RFX2: variants seen among roughly 807,000 people sequenced by gnomAD.
The protein encoded by RFX2 is DNA-binding protein RFX2.
In RFX2, 20 loss-of-function variants were observed where a neutral mutation model predicts 87.8. That is an observed-to-expected ratio of 0.23 (90% CI 0.16 to 0.33). RFX2 has a LOEUF of 0.33. Ranked by LOEUF, RFX2 falls within the 10% of genes least tolerant of loss-of-function variation. RFX2 has a pLI of 1.00. For missense variants in RFX2, 767 were observed against 1,012.3 expected, an observed-to-expected ratio of 0.76 and a Z score of 3.29; for synonymous variants, 397 against 431.3, an observed-to-expected ratio of 0.92 and a Z score of 0.98.
chr19:6,069,252 T>C lies in RFX2; in HGVS notation c.-8-21748A>G, dbSNP rs934203376. Among the ~76,000 whole-genome samples the C allele has an allele frequency of 8.5e-5, 13 of 152,064 alleles. 1 individual carries two copies. Among genetic ancestry groups the C allele is most frequent in the Admixed American group, 3.3e-4 (5 of 15,286 alleles). On this transcript the variant is annotated intron_variant, in intron 1 of 17. Transcript: ENST00000303657. ...GCTGGAGCCATCAGTGTATAGAATA[T>C]ATGAACTAGAGCCATCAATGTATAG...
Position 6,047,410 on chromosome 19 carries a change from C to G in RFX2, c.87G>C (p.Pro29=), listed in dbSNP as rs774544360. The part of the protein sequence containing the change: ...SAAAPPVPAS[P]QRVLVQAASS... ...GTTGCTGAGAGGCGCGCGTTACCTGCGGGGAGGCTGGCACAGGCGGGGCTG... is the reference window on the plus strand; with the variant it reads ...GTTGCTGAGAGGCGCGCGTTACCTGGGGGGAGGCTGGCACAGGCGGGGCTG... Residue 29 remains proline (P), a synonymous_variant, in exon 2 of 18, where the codon CCG becomes CCC. Coordinates refer to ENST00000303657, the MANE Select transcript of RFX2 (RefSeq NM_000635.4). The surrounding 1 kb of genome is among the most constrained non-coding windows in gnomAD (Gnocchi z 4.2). The G allele has an allele frequency of 6.2e-7, 1 of 1,605,584 alleles. No homozygotes were observed. The highest frequency in any genetic ancestry group is 1.7e-5 in the Admixed American group (1 of 58,832).
In RFX2 at chr19:6,044,204, C is replaced by T. The variant is rs2144772221; in HGVS notation, c.169G>A (p.Val57Ile). 6.4e-7 allele frequency: 1 copy of T among 1,565,398 alleles called. No individual in the cohort carries two copies. The highest frequency in any genetic ancestry group is 8.7e-7 in the Non-Finnish European group (1 of 1,155,640). Residue 57 changes from valine to isoleucine, a missense_variant, in exon 3 of 18, where the codon GTA (valine) becomes ATA (isoleucine). By Grantham distance (29) the Val-to-Ile change is conservative. This residue lies in a region of RFX2 where 146 missense variants were observed against 139.2 expected (regional missense o/e 1.05). Transcript: ENST00000303657. This position sits in a 1 kb window ranked among gnomAD's most constrained non-coding sequence, Gnocchi z 5.3. ...QPISLPRVQQVPQQVQPVQHV... is the reference protein window; with the variant it reads ...QPISLPRVQQIPQQVQPVQHV... The stretch of plus-strand genomic sequence containing the variant: ...GTGCTTGTCATTACCTGCTGGGGTA[C>T]CTGCTGAACTCTGGGGAGGGAGATC...
In RFX2 at chr19:5,998,760, C is replaced by T. The variant is rs1286848068; in HGVS notation, c.1860-1547G>A. ...TCCAGAACATCGCCTGCGGTCACCCCGGTATCTCTGGGTTCCCAAATGGGC... is the reference window on the plus strand; with the variant it reads ...TCCAGAACATCGCCTGCGGTCACCCTGGTATCTCTGGGTTCCCAAATGGGC... On this transcript the variant is annotated intron_variant, in intron 15 of 17. Coordinates refer to ENST00000303657, the MANE Select transcript of RFX2 (RefSeq NM_000635.4). The surrounding 1 kb of genome is among the most constrained non-coding windows in gnomAD (Gnocchi z 4.2). 3.3e-5 allele frequency among the ~76,000 whole-genome samples: 5 copies of T among 152,182 alleles called. No homozygotes were observed. The highest frequency in any genetic ancestry group is 7.3e-5 in the Non-Finnish European group (5 of 68,038).
At chr19:6,025,967 T>C (rs2086883503) in intron 6 of RFX2, among the ~76,000 whole-genome samples, 196 bp downstream of exon 6, 1 of 151,940 alleles carries the variant, frequency 6.6e-6, no homozygotes, top group Non-Finnish European at 1.5e-5. Context: ...TCTATTTTAA[T>C]AGAGACGGGG....
At chr19:5,996,529 C>T (rs761195018) in intron 16 of RFX2, among the ~76,000 whole-genome samples, 8 of 152,242 alleles carry the variant, frequency 5.3e-5, no homozygotes, top group Admixed American at 2.6e-4. Flanking sequence ...GAGGGGGCTG[C>T]GTGGGTGCTG....
intron 1 of RFX2, among the ~76,000 whole-genome samples, chr19:6,103,734 G>A (rs992820291): frequency 2.0e-5 from 3 of 152,126 alleles, no homozygotes; most frequent in Admixed American, 6.5e-5. Context: ...GGACATATTA[G>A]TACCCATGAG....
In RFX2 at chr19:6,017,276, G is replaced by A. The variant is rs531644388; in HGVS notation, c.598-1005C>T. Among the ~76,000 whole-genome samples, 5 of 152,264 alleles carry A rather than the reference G, an allele frequency of 3.3e-5. No individual in the cohort carries two copies. In the South Asian group the frequency reaches 1.0e-3, roughly 32 times the overall value. On this transcript the variant is annotated intron_variant, in intron 6 of 17. Coordinates refer to ENST00000303657, the MANE Select transcript of RFX2 (RefSeq NM_000635.4). The surrounding 1 kb of genome is among the most constrained non-coding windows in gnomAD (Gnocchi z 4.1). ...CAAAAAGATGGGCTAAATGAGTCCC[G>A]AGCCAAGGACTATGCCTCGAGAGGT...
chr19:6,049,399 G>A (rs2087239784), intron 1 of RFX2, among the ~76,000 whole-genome samples: 1 of 152,218 alleles, frequency 6.6e-6, no homozygotes, highest in Admixed American at 6.5e-5. Context: ...ATTTAAGTAA[G>A]AAGAGGCCAT....
chr19:6,009,489 A>T (rs898945373), intron 9 of RFX2, among the ~76,000 whole-genome samples: 3 of 152,070 alleles, frequency 2.0e-5, no homozygotes, highest in Admixed American at 2.0e-4. Flanking sequence ...AACCAGAAGC[A>T]CCCCAAAAGC....
At chr19:6,086,516 A>G (rs1426798754) in intron 1 of RFX2, among the ~76,000 whole-genome samples, 1 of 152,240 alleles carries the variant, frequency 6.6e-6, no homozygotes, top group Non-Finnish European at 1.5e-5. Flanking sequence ...ACAGCATTAT[A>G]ATCTTATGGG....
intron 1 of RFX2, among the ~76,000 whole-genome samples, chr19:6,067,133 A>T (rs2087525978): frequency 6.6e-6 from 1 of 152,214 alleles, no homozygotes; most frequent in Non-Finnish European, 1.5e-5. Flanking sequence ...TGGGAGGAGA[A>T]AGTGCCCTTT....
chr19:6,102,860 C>A (rs964097324), intron 1 of RFX2, among the ~76,000 whole-genome samples: 1 of 152,172 alleles, frequency 6.6e-6, no homozygotes, highest in African/African-American at 2.4e-5. Flanking sequence ...CACAGTGGCT[C>A]ACATCTATAA....
intron 1 of RFX2, chr19:6,067,827 C>T (rs1355498089): frequency 2.6e-5 from 4 of 152,194 alleles, no homozygotes; most frequent in African/African-American, 9.7e-5. Context: ...GCACACAATG[C>T]TGATAGATTT....
In RFX2 at chr19:6,001,972, C is replaced by G; in HGVS notation, c.1702G>C (p.Glu568Gln). Residue 568 changes from glutamate to glutamine, a missense_variant, in exon 15 of 18, where the codon GAG becomes CAG. Coordinates refer to ENST00000303657, the MANE Select transcript of RFX2 (RefSeq NM_000635.4). The surrounding 1 kb of genome is among the most constrained non-coding windows in gnomAD (Gnocchi z 5.6). ...QCEESVVQRL[E>Q]QDFKLTLQQQ... ...TGCAGGGTCAGCTTGAAATCCTGCTCCAGCCGCTGCACCACACTCTCCTCG... is the reference window on the plus strand; with the variant it reads ...TGCAGGGTCAGCTTGAAATCCTGCTGCAGCCGCTGCACCACACTCTCCTCG... The G allele has an allele frequency of 6.2e-7, 1 of 1,612,134 alleles. No individual in the cohort carries two copies. Among genetic ancestry groups the G allele is most frequent in the Non-Finnish European group, 8.5e-7 (1 of 1,179,980 alleles).
In RFX2 at chr19:6,002,876, A is replaced by T; in HGVS notation, c.1501-6T>A. 6.2e-7 allele frequency: 1 copy of T among 1,602,580 alleles called. No individual in the cohort carries two copies. The highest frequency in any genetic ancestry group is 8.5e-7 in the Non-Finnish European group (1 of 1,176,882). On this transcript the variant is annotated splice_polypyrimidine_tract_variant and splice_region_variant and intron_variant, in intron 13 of 17. Transcript: ENST00000303657. The surrounding 1 kb of genome is among the most constrained non-coding windows in gnomAD (Gnocchi z 6.7). ...AAGGCACTGACGACGCCCACCTGTAAGCCAGGGCTCGTGGTGAGCAGGGGT... is the reference window on the plus strand; with the variant it reads ...AAGGCACTGACGACGCCCACCTGTATGCCAGGGCTCGTGGTGAGCAGGGGT...
At chr19:6,034,589 C>T (rs1364383911) in intron 5 of RFX2, among the ~76,000 whole-genome samples, 8 of 152,072 alleles carry the variant, frequency 5.3e-5, no homozygotes, top group East Asian at 1.9e-4. Context: ...CTTGAACTCC[C>T]GGGCTCAGGT....
At position 6,026,359 on chromosome 19, in the gene RFX2, A is replaced by G. The variant is rs1777357454; in HGVS notation, c.523-122T>C. Reference sequence around the variant, plus strand: ...TATCCAAATAATGATTCGAGCTCCTACAAAATAAAAATGAGGCTCCACGCA... The same window carrying G: ...TATCCAAATAATGATTCGAGCTCCTGCAAAATAAAAATGAGGCTCCACGCA... On this transcript the variant is annotated intron_variant, in intron 5 of 17. Transcript: ENST00000303657. This position sits in a 1 kb window ranked among gnomAD's most constrained non-coding sequence, Gnocchi z 4.5. 2.4e-6 allele frequency: 2 copies of G among 825,482 alleles called. No individual in the cohort carries two copies. Among genetic ancestry groups the G allele is most frequent in the African/African-American group, 1.7e-5 (1 of 57,942 alleles). 51.1% of individuals were successfully genotyped at this position (825,482 alleles called of 1,614,324 possible).
Position 6,023,937 on chromosome 19 carries a change from G to A in RFX2, c.597+2226C>T, listed in dbSNP as rs1274281639. ...TGGGACTACAGGCATGTGCCACCAC[G>A]CCCGGCTAATATTTGTATTTTTGGT... On this transcript the variant is annotated intron_variant, in intron 6 of 17. Coordinates refer to ENST00000303657, the MANE Select transcript of RFX2 (RefSeq NM_000635.4). This position sits in a 1 kb window ranked among gnomAD's most constrained non-coding sequence, Gnocchi z 4.9. Among the ~76,000 whole-genome samples, 4 of 152,072 alleles carry A rather than the reference G, an allele frequency of 2.6e-5. No homozygotes were observed. Among genetic ancestry groups the A allele is most frequent in the Non-Finnish European group, 4.4e-5 (3 of 68,016 alleles).
At chr19:6,055,469 G>A (rs2087324120) in intron 1 of RFX2, among the ~76,000 whole-genome samples, 1 of 152,130 alleles carries the variant, frequency 6.6e-6, no homozygotes, top group African/African-American at 2.4e-5. Context: ...TCTCCCTCAG[G>A]ATAAAGTACA....
Sources: gnomAD v4.1 joint callset for allele counts (sites outside exome capture counted in the v4.1 genomes callset) on GRCh38, gnomAD v4.1.1 for gene constraint, gnomAD v4.1.1 regional missense constraint, Gnocchi (gnomAD v3.1) non-coding constraint, MANE v1.5 for transcripts, NCBI Gene and HGNC (gene_info 2026-07-23, HGNC 2026-07-21) for gene names.